The following MCTP1 variants were observed in gnomAD, a reference collection of about 807,000 sequenced individuals.
MCTP1 encodes the protein multiple C2 and transmembrane domain containing 1, also known as multiple C2 and transmembrane domain-containing protein 1.
A neutral mutation model predicts 120.6 loss-of-function variants in MCTP1; 69 were observed. The ratio of observed to expected loss-of-function variants is 0.57; its 90% CI spans 0.47 to 0.70. The LOEUF (loss-of-function observed/expected upper bound fraction) is 0.70. MCTP1 is among the 30% of genes least tolerant of loss of function. The pLI is 0.00. For synonymous variants in MCTP1, 529 were observed against 493.1 expected (o/e 1.07, Z -0.96); for missense variants, 1,203 against 1,248.8 (o/e 0.96, Z 0.55).
chr5:95,203,538 C>T (rs556111032), intron 1 of MCTP1, among the ~76,000 whole-genome samples: 2 of 152,298 alleles, frequency 1.3e-5, no homozygotes, highest in African/African-American at 4.8e-5. Flanking sequence ...TTTAACTTCT[C>T]TAATAAATTA....
intron 1 of MCTP1, among the ~76,000 whole-genome samples, chr5:95,018,847 C>T (rs1216015568): frequency 6.6e-6 from 1 of 152,012 alleles, no homozygotes; most frequent in Non-Finnish European, 1.5e-5. Flanking sequence ...ATCAGGCCTT[C>T]AAACAACAAA....
chr5:95,228,350 G>T (rs765606709), intron 1 of MCTP1, among the ~76,000 whole-genome samples: 3 of 152,096 alleles, frequency 2.0e-5, no homozygotes, highest in Non-Finnish European at 2.9e-5. Flanking sequence ...CCAGATGGGA[G>T]TAGAGATGTA....
chr5:95,039,873 G>A (rs1420024766), intron 1 of MCTP1, among the ~76,000 whole-genome samples: 1 of 71,698 alleles, frequency 1.4e-5, no homozygotes, highest in Non-Finnish European at 2.6e-5. Flanking sequence ...TCTCAGTACC[G>A]TTTGCAAAAA....
At chr5:95,097,440 G>T (rs974895422) in intron 1 of MCTP1, among the ~76,000 whole-genome samples, 1 of 152,200 alleles carries the variant, frequency 6.6e-6, no homozygotes, top group African/African-American at 2.4e-5. Flanking sequence ...CAAGGGCCTT[G>T]GGATAGGAAA....
intron 1 of MCTP1, among the ~76,000 whole-genome samples, chr5:95,227,256 C>T (rs948233747): frequency 1.3e-5 from 2 of 152,150 alleles, no homozygotes; most frequent in Admixed American, 6.5e-5. Flanking sequence ...GAAATTAAAG[C>T]AGAACAGACA....
intron 1 of MCTP1, among the ~76,000 whole-genome samples, chr5:95,039,496 GA>G (rs1452980501): frequency 6.6e-6 from 1 of 152,134 alleles, no homozygotes; most frequent in Non-Finnish European, 1.5e-5. Context: ...AATGATTAAA[GA>G]AGGCCAACAA....
At position 95,142,986 on chromosome 5, in the gene MCTP1, GT is replaced by G. The variant is rs543208053; in HGVS notation, c.721-125503del. On this transcript the variant is annotated intron_variant, in intron 1 of 22. Coordinates refer to ENST00000515393, the MANE Select transcript of MCTP1 (RefSeq NM_024717.7). ...CACCACTGTGCAAATAAAATATACT[GT>G]TTTTTTCATAACAAGAAAATTAAAA... 5.9e-5 allele frequency among the ~76,000 whole-genome samples: 9 copies of G among 152,126 alleles called. No homozygotes were observed. The East Asian group carries it at 9.6e-4, about 16-fold the overall frequency.
intron 1 of MCTP1, among the ~76,000 whole-genome samples, chr5:95,139,560 A>C (rs1759738834): frequency 6.6e-6 from 1 of 152,210 alleles, no homozygotes; most frequent in African/African-American, 2.4e-5. Context: ...TTTTAAAAGG[A>C]GTCTCAAAAT....
At chr5:95,020,110 T>C (rs1230799077) in intron 1 of MCTP1, among the ~76,000 whole-genome samples, 1 of 152,076 alleles carries the variant, frequency 6.6e-6, no homozygotes, top group East Asian at 1.9e-4. Context: ...GAGAATTTTC[T>C]ACATGCCCTG....
At chr5:95,051,342 A>G (rs2152000318) in intron 1 of MCTP1, among the ~76,000 whole-genome samples, 1 of 152,262 alleles carries the variant, frequency 6.6e-6, no homozygotes, top group Middle Eastern at 3.4e-3. Flanking sequence ...CAAAGAATGA[A>G]GTCCCATAGA....
chr5:95,036,921 C>CACTCACTT (rs2151839955), intron 1 of MCTP1, among the ~76,000 whole-genome samples: 1 of 152,216 alleles, frequency 6.6e-6, no homozygotes, highest in East Asian at 1.9e-4. Context: ...TTCACTCACT[C>CACTCACTT]ACTCACTCAT....
chr5:94,718,144 T>C (rs1240273656), intron 19 of MCTP1, among the ~76,000 whole-genome samples: 1 of 152,160 alleles, frequency 6.6e-6, no homozygotes, highest in African/African-American at 2.4e-5. Flanking sequence ...CAAAATGGCA[T>C]GGTACTGGTA....
At chr5:94,954,780 A>C (rs1478574358) in intron 2 of MCTP1, among the ~76,000 whole-genome samples, 1 of 152,174 alleles carries the variant, frequency 6.6e-6, no homozygotes, top group Admixed American at 6.5e-5. Context: ...GCTTCATTTC[A>C]TCCTTGGTCC....
At chr5:94,966,221 ACT>A in intron 2 of MCTP1, among the ~76,000 whole-genome samples, 1 of 152,214 alleles carries the variant, frequency 6.6e-6, no homozygotes, top group East Asian at 1.9e-4. Flanking sequence ...AGACTTTCAG[ACT>A]CCAAGCCCAA....
At chr5:94,945,348 T>C (rs140821074) in intron 3 of MCTP1, among the ~76,000 whole-genome samples, 152 of 152,314 alleles carry the variant, frequency 1.0e-3, no homozygotes, top group African/African-American at 3.3e-3. Flanking sequence ...TAAAAATCCA[T>C]TGGGAAGTGT....
chr5:95,219,038 T>A (rs1430148346), intron 1 of MCTP1, among the ~76,000 whole-genome samples: 2 of 152,184 alleles, frequency 1.3e-5, no homozygotes, highest in Non-Finnish European at 2.9e-5. Context: ...ATAGTTACCA[T>A]CTATTTTGGG....
intron 1 of MCTP1, among the ~76,000 whole-genome samples, chr5:95,151,692 T>C (rs1015003968): frequency 6.6e-6 from 1 of 152,196 alleles, no homozygotes; most frequent in Non-Finnish European, 1.5e-5. Context: ...CTTATCTGAT[T>C]TCCTCTCTGA....
chr5:94,960,228 T>A (rs1341282986), intron 2 of MCTP1, among the ~76,000 whole-genome samples: 1 of 152,132 alleles, frequency 6.6e-6, no homozygotes, highest in East Asian at 1.9e-4. Flanking sequence ...TGAAGAAAAC[T>A]GAAACTGGAC....
In MCTP1 at chr5:94,705,973, T is replaced by A. The variant is rs1754466909; in HGVS notation, c.*1523A>T. 6.6e-6 allele frequency: 1 copy of A among 151,636 alleles called. No homozygotes were observed. The highest frequency in any genetic ancestry group is 2.4e-5 in the African/African-American group (1 of 41,378). 9.4% of individuals were successfully genotyped at this position (151,636 alleles called of 1,614,324 possible). On this transcript the variant is annotated 3_prime_UTR_variant, in exon 23 of 23. Transcript: ENST00000515393. ...AGCATAGTATATAAACAGATCAAAATAGTTCTATTATAAGAAATAGTATTT... is the reference window on the plus strand; with the variant it reads ...AGCATAGTATATAAACAGATCAAAAAAGTTCTATTATAAGAAATAGTATTT...
Sources: gnomAD v4.1 joint callset for allele counts (sites outside exome capture counted in the v4.1 genomes callset) on GRCh38, gnomAD v4.1.1 for gene constraint, MANE v1.5 for transcripts, NCBI Gene and HGNC (gene_info 2026-07-23, HGNC 2026-07-21) for gene names.